Variants in PRR11 observed in about 807,000 individuals in gnomAD.
PRR11 encodes proline rich 11, also known as proline-rich protein 11.
In PRR11, 30 loss-of-function variants were observed where a neutral mutation model predicts 45.6. The ratio of observed to expected loss-of-function variants is 0.66; its 90% CI spans 0.49 to 0.89. The LOEUF is 0.89. PRR11 is among the 40% of genes least tolerant of loss of function. The pLI is 0.00. For missense variants in PRR11, 373 were observed against 424.8 expected (o/e 0.88, Z 1.07); for synonymous variants, 128 against 153.5 (o/e 0.83, Z 1.23).
At chr17:59,169,656 G>A (rs1029635607) in intron 1 of PRR11, 92 bp from the exon 2 acceptor site, 2 of 1,206,792 alleles carry the variant, frequency 1.7e-6, no homozygotes, top group African/African-American at 1.5e-5. Context: ...TGTGTTCATG[G>A]TATAATTCAT....
intron 2 of PRR11, chr17:59,181,850 T>C (rs1398145448): frequency 2.7e-6 from 4 of 1,462,658 alleles, no homozygotes; most frequent in East Asian, 4.8e-5. Flanking sequence ...TCCCCAGCCT[T>C]GCAGACTGTT....
At chr17:59,180,519 G>GTTTTTGTTT (rs1555716471) in intron 2 of PRR11, among the ~76,000 whole-genome samples, 1 of 122,928 alleles carries the variant, frequency 8.1e-6, no homozygotes, top group Admixed American at 8.1e-5. Flanking sequence ...TGTTTTTTTT[G>GTTTTTGTTT]TTTTTTTTGC....
In PRR11 at chr17:59,176,498, G is replaced by A. The variant is rs2046746441; in HGVS notation, c.128+6618G>A. Among the ~76,000 whole-genome samples, 3 of 152,006 alleles carry A rather than the reference G, an allele frequency of 2.0e-5. No individual in the cohort carries two copies. In the South Asian group the frequency reaches 6.2e-4, roughly 32 times the overall value. ...GTTGCCTCTGTCATGGGAACCCGGA[G>A]GAGGTCGATGGCGTTTGCAGTTGAT... On this transcript the variant is annotated intron_variant, in intron 2 of 9. Transcript: ENST00000262293.
intron 2 of PRR11, among the ~76,000 whole-genome samples, chr17:59,173,549 C>T (rs1362269920): frequency 6.6e-6 from 1 of 152,170 alleles, no homozygotes; most frequent in African/African-American, 2.4e-5. Flanking sequence ...AGCTGTAACA[C>T]TCACCGCGAA....
At chr17:59,196,112 A>G (rs1228047275) in intron 7 of PRR11, among the ~76,000 whole-genome samples, 1 of 150,462 alleles carries the variant, frequency 6.6e-6, no homozygotes, top group African/African-American at 2.4e-5. Context: ...AAAAAAAATC[A>G]TAACCTAAAT....
At chr17:59,167,733 A>G (rs1287946550) in intron 1 of PRR11, among the ~76,000 whole-genome samples, 1 of 152,152 alleles carries the variant, frequency 6.6e-6, no homozygotes, top group Admixed American at 6.6e-5. Context: ...TTACCATGGC[A>G]TTTGTAAACT....
At chr17:59,182,446 C>T (rs1440917520) in intron 2 of PRR11, among the ~76,000 whole-genome samples, 15 of 140,926 alleles carry the variant, frequency 1.1e-4, no homozygotes, top group African/African-American at 3.3e-4. Context: ...GACTGGAGTG[C>T]GGTAGCACAA....
At chr17:59,166,266 A>C (rs1183448489) in intron 1 of PRR11, among the ~76,000 whole-genome samples, 1 of 152,226 alleles carries the variant, frequency 6.6e-6, no homozygotes, top group Non-Finnish European at 1.5e-5. Context: ...TTCCCATTCA[A>C]ATCTGAGTTT....
At chr17:59,196,642 G>A (rs2147855717) in intron 7 of PRR11, among the ~76,000 whole-genome samples, 1 of 152,172 alleles carries the variant, frequency 6.6e-6, no homozygotes, top group Admixed American at 6.5e-5. Context: ...CTCCTAAAGT[G>A]CTGGGATTTC....
In PRR11 at chr17:59,204,224, G is replaced by GT. The variant is rs898075377; in HGVS notation, c.*2594dup. 9 of 150,232 alleles carry GT rather than the reference G, an allele frequency of 6.0e-5. No individual in the cohort carries two copies. Among genetic ancestry groups the GT allele is most frequent in the Non-Finnish European group, 1.3e-4 (9 of 67,616 alleles). 9.3% of individuals were successfully genotyped at this position (150,232 alleles called of 1,614,324 possible). On this transcript the variant is annotated 3_prime_UTR_variant, in exon 10 of 10. Coordinates refer to ENST00000262293, the MANE Select transcript of PRR11 (RefSeq NM_018304.4). ...GCCTGGGCAACATGATGAAAACTCC[G>GT]TCTCTACCAAAAATCAAAAAAATTA...
At chr17:59,195,613 AC>A (rs1274940087) in intron 7 of PRR11, among the ~76,000 whole-genome samples, 170 bp downstream of exon 7, 1 of 152,204 alleles carries the variant, frequency 6.6e-6, no homozygotes, top group African/African-American at 2.4e-5. Flanking sequence ...AAAAAAGAAA[AC>A]AAAAATTATC....
chr17:59,157,066 T>TG (rs2046628954), intron 1 of PRR11, among the ~76,000 whole-genome samples: 1 of 152,238 alleles, frequency 6.6e-6, no homozygotes, highest in Non-Finnish European at 1.5e-5. Flanking sequence ...TTTAGCCATA[T>TG]GAAGATGTGG....
At chr17:59,182,389 C>CTTTT (rs147890743) in intron 2 of PRR11, among the ~76,000 whole-genome samples, 45 of 107,330 alleles carry the variant, frequency 4.2e-4, no homozygotes, top group South Asian at 1.3e-3. Context: ...TCTGACCCTT[C>CTTTT]TTTTTTTTTT....
At chr17:59,180,884 C>T (rs2046781637) in intron 2 of PRR11, among the ~76,000 whole-genome samples, 1 of 151,800 alleles carries the variant, frequency 6.6e-6, no homozygotes, top group Non-Finnish European at 1.5e-5. Context: ...TCACTGCAGC[C>T]TCAAAGTCCT....
intron 1 of PRR11, among the ~76,000 whole-genome samples, chr17:59,167,926 T>G (rs900218413): frequency 6.6e-6 from 1 of 152,154 alleles, no homozygotes; most frequent in Non-Finnish European, 1.5e-5. Context: ...TCCTATCTCA[T>G]CCTGTGACTA....
chr17:59,169,672 A>G, intron 1 of PRR11, 76 bp from the exon 2 acceptor site: 1 of 1,311,080 alleles, frequency 7.6e-7, no homozygotes, highest in Non-Finnish European at 1.0e-6. Flanking sequence ...TTCATTAACT[A>G]TACACTTAAG....
chr17:59,196,816 A>G (rs1381250559), intron 7 of PRR11, among the ~76,000 whole-genome samples: 1 of 152,056 alleles, frequency 6.6e-6, no homozygotes, highest in African/African-American at 2.4e-5. Context: ...TGGAATGGCT[A>G]TATCATCTTA....
intron 4 of PRR11, among the ~76,000 whole-genome samples, chr17:59,187,962 G>A (rs2046822160): frequency 6.6e-6 from 1 of 151,896 alleles, no homozygotes; most frequent in African/African-American, 2.4e-5. Context: ...TTAGGCAGCA[G>A]GAAGAAAGAG....
At chr17:59,191,072 T>G (rs2046838607) in intron 4 of PRR11, among the ~76,000 whole-genome samples, 1 of 152,172 alleles carries the variant, frequency 6.6e-6, no homozygotes, top group African/African-American at 2.4e-5. Flanking sequence ...TGCGAGACAC[T>G]GATGAGAGAC....
Sources: gnomAD v4.1 joint callset for allele counts (sites outside exome capture counted in the v4.1 genomes callset) on GRCh38, gnomAD v4.1.1 for gene constraint, MANE v1.5 for transcripts, NCBI Gene and HGNC (gene_info 2026-07-23, HGNC 2026-07-21) for gene names.